Variants in ATXN7L2 observed in about 807,000 individuals in gnomAD.
The protein encoded by ATXN7L2 is ataxin 7 like 2.
Under a neutral mutation model 59.6 loss-of-function variants are expected in ATXN7L2, and 17 were observed. That is an observed-to-expected ratio of 0.29 (90% CI 0.20 to 0.43). The LOEUF (loss-of-function observed/expected upper bound fraction) is 0.43. ATXN7L2 is among the 20% of genes least tolerant of loss of function. The pLI is 1.00. For synonymous variants in ATXN7L2, 378 were observed against 392.5 expected (o/e 0.96, Z 0.44); for missense variants, 858 against 1,008.9 (o/e 0.85, Z 2.03).
At position 109,491,454 on chromosome 1, in the gene ATXN7L2, G is replaced by GGCTCCCCTCATCA; in HGVS notation, c.1995_2007dup (p.Thr670SerfsTer32). The GGCTCCCCTCATCA allele has an allele frequency of 6.2e-7, 1 of 1,614,044 alleles. No homozygotes were observed. ...GCGGGCAGGGCCCCTGGACTGTCGT[G>GGCTCCCCTCATCA]GCTCCCCTCATCAGCTCCCCACACC... On this transcript the variant is annotated frameshift_variant, in exon 10 of 11. Coordinates refer to ENST00000683729, the MANE Select transcript of ATXN7L2 (RefSeq NM_001350175.2). LOFTEE classifies it high-confidence loss of function. The surrounding 1 kb of genome is among the most constrained non-coding windows in gnomAD (Gnocchi z 4.1).
chr1:109,483,976 C>A lies in ATXN7L2; in HGVS notation c.23C>A (p.Ala8Glu). The A allele has an allele frequency of 7.4e-7, 1 of 1,355,998 alleles. No homozygotes were observed. Among genetic ancestry groups the A allele is most frequent in the Non-Finnish European group, 9.6e-7 (1 of 1,043,532 alleles). 84.0% of individuals were successfully genotyped at this position (1,355,998 alleles called of 1,614,324 possible). MAVRERA[A>E]AAMAALERRV... ...GTGATGGCGGTGCGTGAACGCGCGGCGGCAGCAATGGCCGCTCTGGAGCGG... is the reference window on the plus strand; with the variant it reads ...GTGATGGCGGTGCGTGAACGCGCGGAGGCAGCAATGGCCGCTCTGGAGCGG... The change falls in exon 1 of 11, where the codon GCG becomes GAG. Residue 8 changes from alanine to glutamate, a missense_variant. Physicochemically the swap from Ala to Glu is moderately radical, Grantham distance 107. This residue lies in a region of ATXN7L2 where 95 missense variants were observed against 82.6 expected (regional missense o/e 1.15). Coordinates refer to ENST00000683729, the MANE Select transcript of ATXN7L2 (RefSeq NM_001350175.2).
rs1426602876 is a variant in ATXN7L2, at chr1:109,489,049, G to A, written c.1082G>A (p.Ser361Asn). The change falls in exon 7 of 11, where the codon AGC becomes AAC. Residue 361 changes from serine to asparagine, a missense_variant. By Grantham distance (46) the Ser-to-Asn change is conservative. Coordinates refer to ENST00000683729, the MANE Select transcript of ATXN7L2 (RefSeq NM_001350175.2). Reference protein sequence around the residue: ...QVVAAVAAPSSTFSVRAKQTY... With the variant: ...QVVAAVAAPSNTFSVRAKQTY... ...GTAGCAGCGGTGGCTGCTCCCAGCA[G>A]CACCTTCTCTGTTCGTGCCAAGCAG... 3.1e-6 allele frequency: 5 copies of A among 1,614,168 alleles called. No individual in the cohort carries two copies. In the South Asian group the frequency reaches 5.5e-5, roughly 18 times the overall value.
Position 109,489,951 on chromosome 1 carries a change from T to C in ATXN7L2, c.1155T>C (p.Ser385=). ...CCAGGTCCCGGGCCTCCTCCGAGAGTGAATTGGATGATGAAGGCCCCTGTG... is the reference window on the plus strand; with the variant it reads ...CCAGGTCCCGGGCCTCCTCCGAGAGCGAATTGGATGATGAAGGCCCCTGTG... ...ALPRSRASSE[S]ELDDEGPCGG... is the part of the protein sequence containing the mutation. Residue 385 remains serine (S), a synonymous_variant, in exon 8 of 11, where the codon AGT becomes AGC. Coordinates refer to ENST00000683729, the MANE Select transcript of ATXN7L2 (RefSeq NM_001350175.2). 6.2e-7 allele frequency: 1 copy of C among 1,606,918 alleles called. No homozygotes were observed. Among genetic ancestry groups the C allele is most frequent in the Non-Finnish European group, 8.5e-7 (1 of 1,177,586 alleles).
rs752673684 is a variant in ATXN7L2, at chr1:109,491,685, C to G, written c.2218C>G (p.Leu740Val). Reference protein sequence around the residue: ...SVRRKKPGPALAFEEKCSTLK... With the variant: ...SVRRKKPGPAVAFEEKCSTLK... ...GCGCCGCAAGAAGCCAGGCCCGGCC[C>G]TGGCCTTTGAGGAGAAGTGCTCTAC... is the stretch of plus-strand genomic sequence containing the variant. Residue 740 changes from leucine to valine, a missense_variant, in exon 10 of 11, where the codon CTG becomes GTG. Around this residue, in one of 3 missense-constraint regions of ATXN7L2, gnomAD observed 734 missense variants for 862.3 expected, o/e 0.85. Transcript: ENST00000683729. This position sits in a 1 kb window ranked among gnomAD's most constrained non-coding sequence, Gnocchi z 4.1. 1 of 1,607,776 alleles carries G rather than the reference C, an allele frequency of 6.2e-7. No individual in the cohort carries two copies. Among genetic ancestry groups the G allele is most frequent in the South Asian group, 1.1e-5 (1 of 90,772 alleles).
Position 109,487,029 on chromosome 1 carries a change from C to T in ATXN7L2, c.321C>T (p.Ser107=). ...CAGAAAGAAGACATGGGCCCCTCAG[C>T]AAGCTTTATGGCCGGGCCCCACCCC... ...KHCERRHGPL[S]KLYGRAPPPP... The change falls in exon 4 of 11, where the codon AGC becomes AGT. Residue 107 remains serine, a synonymous_variant. Transcript: ENST00000683729. 6.2e-7 allele frequency: 1 copy of T among 1,600,950 alleles called. No individual in the cohort carries two copies.
At chr1:109,487,289 A>T in intron 4 of ATXN7L2, 72 bp downstream of exon 4, 1 of 1,378,840 alleles carries the variant, frequency 7.3e-7, no homozygotes, top group Non-Finnish European at 9.6e-7. Context: ...ATCAATACAG[A>T]CAGCCCTGGG....
chr1:109,492,344 T>C (rs1657160424), intron 10 of ATXN7L2, among the ~76,000 whole-genome samples: 1 of 152,114 alleles, frequency 6.6e-6, no homozygotes, highest in Non-Finnish European at 1.5e-5. Context: ...TTACTGGAGG[T>C]GGGACGGGGG....
chr1:109,490,511 G>T, intron 9 of ATXN7L2, 119 bp downstream of exon 9: 1 of 1,395,678 alleles, frequency 7.2e-7, no homozygotes, highest in Non-Finnish European at 9.6e-7. Context: ...TTGGCTATTT[G>T]CCAGCAGGAC....
chr1:109,486,203 G>T lies in ATXN7L2; in HGVS notation c.193+81G>T. The T allele has an allele frequency of 6.7e-7, 1 of 1,488,674 alleles. No individual in the cohort carries two copies. Among genetic ancestry groups the T allele is most frequent in the Middle Eastern group, 1.9e-4 (1 of 5,286 alleles). The allele number at this position is 1,488,674 out of a possible 1,614,324, so 92.2% of individuals were successfully genotyped here. A position where few individuals can be genotyped will look rare whatever the true frequency, so the allele number is the denominator to read the frequency against. On this transcript the variant is annotated intron_variant, in intron 2 of 10. Coordinates refer to ENST00000683729, the MANE Select transcript of ATXN7L2 (RefSeq NM_001350175.2). The surrounding 1 kb of genome is among the most constrained non-coding windows in gnomAD (Gnocchi z 4.3). Reference sequence around the variant, plus strand: ...CTTTTCCACCACACTACAGAAGGAGGTGGCTGCTTGAAGCAGCTGTCTGGG... The same window carrying T: ...CTTTTCCACCACACTACAGAAGGAGTTGGCTGCTTGAAGCAGCTGTCTGGG...
chr1:109,484,211 C>T, intron 1 of ATXN7L2, 131 bp downstream of exon 1: 1 of 1,000,250 alleles, frequency 1.0e-6, no homozygotes, highest in Non-Finnish European at 1.3e-6. Context: ...AACAAAGGAC[C>T]CGCCGGGTCC....
Position 109,491,246 on chromosome 1 carries a change from C to T in ATXN7L2, c.1779C>T (p.Asp593=), listed in dbSNP as rs544217095. ...CCAGCAAGTCATCCAAAGGCAAGGA[C>T]GGGGTGGAGGTGGAGGCCCCTTCTC... ...SKASKSSKGK[D]GVEVEAPSRK... is the part of the protein sequence containing the mutation. The change falls in exon 10 of 11, where the codon GAC becomes GAT. Residue 593 remains aspartate (D), a synonymous_variant. Transcript: ENST00000683729. This position sits in a 1 kb window ranked among gnomAD's most constrained non-coding sequence, Gnocchi z 4.1. The T allele has an allele frequency of 3.3e-5, 53 of 1,614,108 alleles. No individual in the cohort carries two copies. The highest frequency in any genetic ancestry group is 5.5e-5 in the South Asian group (5 of 91,096).
At position 109,486,677 on chromosome 1, in the gene ATXN7L2, G is replaced by C; in HGVS notation, c.298+67G>C. 7.1e-7 allele frequency: 1 copy of C among 1,399,226 alleles called. No individual in the cohort carries two copies. The highest frequency in any genetic ancestry group is 1.2e-5 in the South Asian group (1 of 83,988). 86.7% of individuals were successfully genotyped at this position (1,399,226 alleles called of 1,614,324 possible). A position where few individuals can be genotyped will look rare whatever the true frequency, so the allele number is the denominator to read the frequency against. On this transcript the variant is annotated intron_variant, in intron 3 of 10. Coordinates refer to ENST00000683729, the MANE Select transcript of ATXN7L2 (RefSeq NM_001350175.2). The surrounding 1 kb of genome is among the most constrained non-coding windows in gnomAD (Gnocchi z 4.3). ...GTGGAGCATGGAACTCTGAGGACAGGGTCAGTTGGGAGGTCTCGTAGGGTA... is the reference window on the plus strand; with the variant it reads ...GTGGAGCATGGAACTCTGAGGACAGCGTCAGTTGGGAGGTCTCGTAGGGTA...
Position 109,486,534 on chromosome 1 carries a change from C to T in ATXN7L2, c.222C>T (p.Ala74=), listed in dbSNP as rs146825358. The T allele has an allele frequency of 3.1e-6, 5 of 1,614,020 alleles. No homozygotes were observed. Among genetic ancestry groups the T allele is most frequent in the Non-Finnish European group, 4.2e-6 (5 of 1,179,898 alleles). Reference sequence around the variant, plus strand: ...TGTCCATCTTCGGGCACTGCCCTGCCCATGATGACTTCTACTTGGTTGTGT... The same window carrying T: ...TGTCCATCTTCGGGCACTGCCCTGCTCATGATGACTTCTACTTGGTTGTGT... ...EDMSIFGHCP[A]HDDFYLVVCN... The change falls in exon 3 of 11, where the codon GCC becomes GCT. Residue 74 remains alanine, a synonymous_variant. Coordinates refer to ENST00000683729, the MANE Select transcript of ATXN7L2 (RefSeq NM_001350175.2). The surrounding 1 kb of genome is among the most constrained non-coding windows in gnomAD (Gnocchi z 4.3).
At chr1:109,487,843 GGGGACTCCTTT>G in intron 5 of ATXN7L2, 39 bp downstream of exon 5, 3 of 1,553,664 alleles carry the variant, frequency 1.9e-6, no homozygotes, top group Non-Finnish European at 2.6e-6. Context: ...AATGTAGAGT[GGGGACTCCTTT>G]GGGCTGCTTT....
intron 7 of ATXN7L2, 144 bp from the exon 8 acceptor site, chr1:109,489,786 C>G: frequency 1.2e-6 from 1 of 806,866 alleles, no homozygotes; most frequent in South Asian, 1.6e-5. Context: ...CCCTCCTGTC[C>G]TTCCCTTCCC....
In ATXN7L2 at chr1:109,492,567, G is replaced by A. The variant is rs542277342; in HGVS notation, c.2251-19G>A. ...GGCCCCCACCCTGACCCTTTCTCTC[G>A]CCTCTTGTCTTCCTGCAGTCAAAAG... On this transcript the variant is annotated intron_variant, in intron 10 of 10. Transcript: ENST00000683729. 30 of 1,613,716 alleles carry A rather than the reference G, an allele frequency of 1.9e-5. No homozygotes were observed. The highest frequency in any genetic ancestry group is 1.5e-4 in the African/African-American group (11 of 74,948).
chr1:109,484,008 C>A lies in ATXN7L2; in HGVS notation c.55C>A (p.Pro19Thr), dbSNP rs771760910. 4 of 1,388,744 alleles carry A rather than the reference C, an allele frequency of 2.9e-6. No homozygotes were observed. The African/African-American group carries it at 4.4e-5, about 15-fold the overall frequency. The allele number at this position is 1,388,744 out of a possible 1,614,324, so 86.0% of individuals were successfully genotyped here. ...AAMAALERRV[P>T]SLDDFAGQSW... Reference sequence around the variant, plus strand: ...AATGGCCGCTCTGGAGCGGCGGGTGCCGAGTCTCGATGACTTCGCGGGACA... The same window carrying A: ...AATGGCCGCTCTGGAGCGGCGGGTGACGAGTCTCGATGACTTCGCGGGACA... The change falls in exon 1 of 11, where the codon CCG becomes ACG. Residue 19 changes from proline (P) to threonine (T), a missense_variant. Coordinates refer to ENST00000683729, the MANE Select transcript of ATXN7L2 (RefSeq NM_001350175.2).
At position 109,491,869 on chromosome 1, in the gene ATXN7L2, C is replaced by T; in HGVS notation, c.2250+152C>T. On this transcript the variant is annotated intron_variant, in intron 10 of 10. Coordinates refer to ENST00000683729, the MANE Select transcript of ATXN7L2 (RefSeq NM_001350175.2). This position sits in a 1 kb window ranked among gnomAD's most constrained non-coding sequence, Gnocchi z 4.1. ...CTGTTTTCTTTAGGAAGAGGTAGGT[C>T]AGTTCTTAGCAAAGTGACTCCAGCT... 1 of 1,198,192 alleles carries T rather than the reference C, an allele frequency of 8.3e-7. No individual in the cohort carries two copies. Among genetic ancestry groups the T allele is most frequent in the East Asian group, 2.6e-5 (1 of 38,562 alleles). The allele number at this position is 1,198,192 out of a possible 1,614,324, so 74.2% of individuals were successfully genotyped here. A position where few individuals can be genotyped will look rare whatever the true frequency, so the allele number is the denominator to read the frequency against.
At position 109,491,135 on chromosome 1, in the gene ATXN7L2, G is replaced by A. The variant is rs778507767; in HGVS notation, c.1668G>A (p.Glu556=). ...TGGCGGCTGCCTGTAGCCAGGCAGA[G>A]TGCATGGGCGGGAGCCAGGCTATCA... ...PSVAAACSQA[E]CMGGSQAITS... The change falls in exon 10 of 11, where the codon GAG becomes GAA. Residue 556 remains glutamate, a synonymous_variant. Transcript: ENST00000683729. This position sits in a 1 kb window ranked among gnomAD's most constrained non-coding sequence, Gnocchi z 4.1. 2 of 1,613,578 alleles carry A rather than the reference G, an allele frequency of 1.2e-6. No homozygotes were observed. The highest frequency in any genetic ancestry group is 2.7e-5 in the African/African-American group (2 of 75,062).
Sources: allele counts gnomAD v4.1 joint callset (sites outside exome capture counted in the v4.1 genomes callset), GRCh38; gene constraint gnomAD v4.1.1; regional missense constraint gnomAD v4.1.1; non-coding constraint Gnocchi (gnomAD v3.1); transcripts MANE v1.5; gene names NCBI Gene and HGNC (gene_info 2026-07-23, HGNC 2026-07-21).